The following TAFA5 variants were observed in gnomAD, a reference collection of about 807,000 sequenced individuals.
TAFA5 encodes chemokine-like protein TAFA-5.
Under a neutral mutation model 15.3 loss-of-function variants are expected in TAFA5, and 6 were observed. The observed-to-expected ratio is 0.39, with a 90% confidence interval of 0.21 to 0.77. The LOEUF (loss-of-function observed/expected upper bound fraction) is 0.77. Ranked by LOEUF, TAFA5 falls within the 30% of genes least tolerant of loss-of-function variation. TAFA5 has a pLI of 0.41. For synonymous variants in TAFA5, 103 were observed against 80.7 expected, an observed-to-expected ratio of 1.28 and a Z score of -1.48; for missense variants, 161 against 193.1, an observed-to-expected ratio of 0.83 and a Z score of 0.98.
At chr22:48,708,942 G>T (rs975665306) in intron 3 of TAFA5, among the ~76,000 whole-genome samples, 7 of 152,190 alleles carry the variant, frequency 4.6e-5, no homozygotes, top group Non-Finnish European at 7.3e-5. Context: ...TGGTGGAGTT[G>T]CTGCAAGGAG....
chr22:48,495,913 G>C (rs563230631), intron 1 of TAFA5, among the ~76,000 whole-genome samples: 2 of 152,352 alleles, frequency 1.3e-5, no homozygotes, highest in East Asian at 3.9e-4. Flanking sequence ...GTCCAATCCT[G>C]AGAGCAGCCT....
At chr22:48,638,071 G>A (rs894845710) in intron 1 of TAFA5, among the ~76,000 whole-genome samples, 3 of 152,050 alleles carry the variant, frequency 2.0e-5, no homozygotes, top group African/African-American at 4.8e-5. Flanking sequence ...TCTCAGTGGC[G>A]AAGAGCACTC....
intron 2 of TAFA5, among the ~76,000 whole-genome samples, chr22:48,666,513 G>A (rs375866850): frequency 0.011 from 647 of 57,626 alleles, 4 homozygotes; most frequent in African/African-American, 0.022. Context: ...ATGACCAGGC[G>A]TTACTGAGGC....
intron 1 of TAFA5, among the ~76,000 whole-genome samples, chr22:48,511,096 A>G (rs8135388): frequency 0.49 from 74,881 of 152,068 alleles, 19,264 homozygotes; most frequent in Middle Eastern, 0.58. Flanking sequence ...ATGACCCAGA[A>G]CTGGTCTCTG....
rs752240989 is a variant in TAFA5, at chr22:48,720,669, A to G, written c.390+12825A>G. ...GGAGACACCCTGTCTTGTTGCTGACAGGGCAGCTTCCCAGAAGTTCTCATT... is the reference window on the plus strand; with the variant it reads ...GGAGACACCCTGTCTTGTTGCTGACGGGGCAGCTTCCCAGAAGTTCTCATT... On this transcript the variant is annotated intron_variant, in intron 3 of 3. Transcript: ENST00000402357. Among the ~76,000 whole-genome samples the G allele has an allele frequency of 2.0e-4, 30 of 152,174 alleles. 2 individuals carry two copies. Among genetic ancestry groups the G allele is most frequent in the Admixed American group, 1.0e-3 (16 of 15,288 alleles).
intron 1 of TAFA5, among the ~76,000 whole-genome samples, chr22:48,605,180 A>C: frequency 0.062 from 1 of 16 alleles, no homozygotes; most frequent in Admixed American, 0.5. Context: ...GATAGTGATG[A>C]TGGTGGTGGT....
intron 3 of TAFA5, among the ~76,000 whole-genome samples, chr22:48,737,713 G>A (rs891102167): frequency 6.6e-6 from 1 of 152,200 alleles, no homozygotes; most frequent in Non-Finnish European, 1.5e-5. Flanking sequence ...CAGCCTCAGG[G>A]ATGGAGATGC....
At chr22:48,546,178 C>T (rs1304504330) in intron 1 of TAFA5, among the ~76,000 whole-genome samples, 1 of 152,246 alleles carries the variant, frequency 6.6e-6, no homozygotes, top group Non-Finnish European at 1.5e-5. Flanking sequence ...AGCGTGCCTC[C>T]CCATGGGGAC....
chr22:48,512,208 C>T (rs1921239927), intron 1 of TAFA5, among the ~76,000 whole-genome samples: 1 of 152,188 alleles, frequency 6.6e-6, no homozygotes, highest in South Asian at 2.1e-4. Flanking sequence ...GAGGAGATGC[C>T]CTGCTGACAG....
intron 3 of TAFA5, among the ~76,000 whole-genome samples, chr22:48,718,492 T>C (rs1351924650): frequency 1.3e-5 from 2 of 152,008 alleles, no homozygotes; most frequent in East Asian, 3.9e-4. Context: ...GGCAGACCTG[T>C]GTGGGCGCCA....
At chr22:48,494,655 G>A (rs1601832405) in intron 1 of TAFA5, among the ~76,000 whole-genome samples, 1 of 152,320 alleles carries the variant, frequency 6.6e-6, no homozygotes, top group Middle Eastern at 3.4e-3. Context: ...CAGTGTGGAT[G>A]GTTTCTGTGG....
chr22:48,564,097 G>A lies in TAFA5; in HGVS notation c.112+74393G>A, dbSNP rs144429141. Among the ~76,000 whole-genome samples the A allele has an allele frequency of 1.4e-3, 214 of 152,382 alleles. 2 individuals carry two copies. Among genetic ancestry groups the A allele is most frequent in the African/African-American group, 4.9e-3 (203 of 41,590 alleles). On this transcript the variant is annotated intron_variant, in intron 1 of 3. Coordinates refer to ENST00000402357, the MANE Select transcript of TAFA5 (RefSeq NM_001082967.3). ...GGAAGTGAGGACGTGGAGCGGGCGG[G>A]GAGTGCGGTCCACAAAGGCGGCTCA...
chr22:48,710,156 C>T (rs1313436615), intron 3 of TAFA5, among the ~76,000 whole-genome samples: 1 of 152,074 alleles, frequency 6.6e-6, no homozygotes, highest in Non-Finnish European at 1.5e-5. Context: ...GCTCTGCAGC[C>T]GCTCCTGCCC....
chr22:48,678,082 T>C (rs551789071), intron 2 of TAFA5, among the ~76,000 whole-genome samples: 122 of 152,224 alleles, frequency 8.0e-4, no homozygotes, highest in Non-Finnish European at 1.6e-3. Context: ...TCCCTGACTC[T>C]GACCCTTGCC....
At chr22:48,509,446 C>G (rs1264058875) in intron 1 of TAFA5, among the ~76,000 whole-genome samples, 6 of 152,124 alleles carry the variant, frequency 3.9e-5, no homozygotes, top group Non-Finnish European at 1.5e-5. Context: ...TACGGCTTCC[C>G]TTTTCTCTGA....
At chr22:48,615,727 G>A (rs1348046390) in intron 1 of TAFA5, among the ~76,000 whole-genome samples, 2 of 152,156 alleles carry the variant, frequency 1.3e-5, no homozygotes, top group Non-Finnish European at 2.9e-5. Context: ...GAGGGGCCCT[G>A]TGACAAGAAA....
chr22:48,725,926 C>T (rs1929702276), intron 3 of TAFA5, among the ~76,000 whole-genome samples: 1 of 152,050 alleles, frequency 6.6e-6, no homozygotes, highest in South Asian at 2.1e-4. Context: ...GAGGAAACTG[C>T]CAACGAAAAA....
At chr22:48,526,871 T>C (rs1921798612) in intron 1 of TAFA5, among the ~76,000 whole-genome samples, 1 of 152,264 alleles carries the variant, frequency 6.6e-6, no homozygotes, top group African/African-American at 2.4e-5. Flanking sequence ...TTCTTGAATG[T>C]GTCATTAGAA....
intron 1 of TAFA5, among the ~76,000 whole-genome samples, chr22:48,613,081 C>T (rs1925470127): frequency 6.6e-6 from 1 of 152,212 alleles, no homozygotes; most frequent in African/African-American, 2.4e-5. Flanking sequence ...CTCTGTGGTG[C>T]AGCCCGGCCA....
Sources: gnomAD v4.1 joint callset for allele counts (sites outside exome capture counted in the v4.1 genomes callset) on GRCh38, gnomAD v4.1.1 for gene constraint, MANE v1.5 for transcripts, NCBI Gene and HGNC (gene_info 2026-07-23, HGNC 2026-07-21) for gene names.